Variants in APBA1 observed in about 807,000 individuals in gnomAD.
APBA1 encodes the protein amyloid-beta A4 precursor protein-binding family A member 1.
In APBA1, 55 loss-of-function variants were observed where a neutral mutation model predicts 86.6. The ratio of observed to expected loss-of-function variants is 0.64; its 90% CI spans 0.51 to 0.80. The LOEUF (loss-of-function observed/expected upper bound fraction) is 0.80, where lower values mean the gene tolerates loss of function less well. APBA1 is among the 30% of genes least tolerant of loss of function. The pLI, the probability that APBA1 is intolerant of heterozygous loss-of-function variation, is 0.00. For synonymous variants in APBA1, 511 were observed against 493.9 expected, an observed-to-expected ratio of 1.03 and a Z score of -0.46; for missense variants, 1,090 against 1,183.0, an observed-to-expected ratio of 0.92 and a Z score of 1.15.
chr9:69,472,873 T>A (rs1395247521), intron 3 of APBA1, among the ~76,000 whole-genome samples: 3 of 152,214 alleles, frequency 2.0e-5, no homozygotes, highest in African/African-American at 7.2e-5. Context: ...ACTTGGTTAA[T>A]ACTTGGACAA....
In APBA1 at chr9:69,441,077, C is replaced by G. The variant is rs1419241320; in HGVS notation, c.2220G>C (p.Val740=). The G allele has an allele frequency of 6.2e-7, 1 of 1,614,094 alleles. No homozygotes were observed. The highest frequency in any genetic ancestry group is 1.7e-5 in the Admixed American group (1 of 60,024). Residue 740 remains valine, a synonymous_variant, in exon 11 of 13, where the codon GTG becomes GTC. Coordinates refer to ENST00000265381, the MANE Select transcript of APBA1 (RefSeq NM_001163.4). ...KNQSRVKLNI[V]RCPPVTTVLI... ...ACACGGTGGTCACCGGAGGACATCT[C>G]ACGATATTCAGCTTGACTCGGGACT...
rs141030598 is a variant in APBA1 at position 69,565,291 on chromosome 9, G to A, written c.-69-48012C>T. Among the ~76,000 whole-genome samples the A allele has an allele frequency of 5.9e-5, 9 of 152,066 alleles. No individual in the cohort carries two copies. In the South Asian group the frequency reaches 6.2e-4, roughly 11 times the overall value. ...AGCCCAAAAGCCTTGGTGTAGGTGC[G>A]GACCCCAGCCTCCACATGCCACAGC... is the stretch of plus-strand genomic sequence containing the variant. On this transcript the variant is annotated intron_variant, in intron 1 of 12. Coordinates refer to ENST00000265381, the MANE Select transcript of APBA1 (RefSeq NM_001163.4).
intron 1 of APBA1, among the ~76,000 whole-genome samples, chr9:69,614,135 T>C (rs751753751): frequency 6.6e-6 from 1 of 152,208 alleles, no homozygotes; most frequent in Non-Finnish European, 1.5e-5. Flanking sequence ...TTTTTGATTA[T>C]CACTGTAGTT....
intron 1 of APBA1, among the ~76,000 whole-genome samples, chr9:69,643,567 T>G (rs1439672748): frequency 1.3e-5 from 2 of 152,104 alleles, no homozygotes; most frequent in African/African-American, 4.8e-5. Flanking sequence ...CTCTCCCTCC[T>G]TCTTGTTTCA....
chr9:69,534,366 T>G (rs1836477305), intron 1 of APBA1, among the ~76,000 whole-genome samples: 1 of 152,146 alleles, frequency 6.6e-6, no homozygotes, highest in South Asian at 2.1e-4. Context: ...GACATAAAAG[T>G]GGAAGTGAGG....
In APBA1 at chr9:69,630,322, GT is replaced by G. The variant is rs536099614; in HGVS notation, c.-70+41830del. On this transcript the variant is annotated intron_variant, in intron 1 of 12. Transcript: ENST00000265381. ...CAGGGACCAGATCGCACAGAATTGA[GT>G]CAACAGGCCAACTTTGATCCCTAAT... 2.0e-3 allele frequency among the ~76,000 whole-genome samples: 304 copies of G among 152,264 alleles called. 1 individual carries two copies. The highest frequency in any genetic ancestry group is 2.0e-3 in the Non-Finnish European group (137 of 68,012).
chr9:69,516,175 T>G lies in APBA1; in HGVS notation c.1036A>C (p.Ile346Leu), dbSNP rs1385987983. ...QRYSKEKRDA[I>L]SLAIKDIKEA... ...TTGATGTCCTTGATGGCCAGCGAGATGGCATCGCGCTTCTCCTTGCTGTAC... is the reference window on the plus strand; with the variant it reads ...TTGATGTCCTTGATGGCCAGCGAGAGGGCATCGCGCTTCTCCTTGCTGTAC... The change falls in exon 2 of 13, where the codon ATC (isoleucine) becomes CTC (leucine). Residue 346 changes from isoleucine (I) to leucine (L), a missense_variant. Coordinates refer to ENST00000265381, the MANE Select transcript of APBA1 (RefSeq NM_001163.4). The surrounding 1 kb of genome is among the most constrained non-coding windows in gnomAD (Gnocchi z 7.3). 9 of 1,610,632 alleles carry G rather than the reference T, an allele frequency of 5.6e-6. No individual in the cohort carries two copies. The highest frequency in any genetic ancestry group is 7.6e-6 in the Non-Finnish European group (9 of 1,178,586).
At chr9:69,645,539 T>G (rs1823374519) in intron 1 of APBA1, among the ~76,000 whole-genome samples, 1 of 152,206 alleles carries the variant, frequency 6.6e-6, no homozygotes, top group Non-Finnish European at 1.5e-5. Context: ...GAGACTTGCT[T>G]GCCCAGTTTC....
chr9:69,452,547 G>A (rs1835029197), intron 8 of APBA1, among the ~76,000 whole-genome samples: 2 of 152,226 alleles, frequency 1.3e-5, no homozygotes, highest in Admixed American at 1.3e-4. Context: ...GCAGACAGGA[G>A]TCAGAGATGC....
chr9:69,614,902 T>G (rs976025683), intron 1 of APBA1, among the ~76,000 whole-genome samples: 2 of 152,204 alleles, frequency 1.3e-5, no homozygotes, highest in Non-Finnish European at 2.9e-5. Flanking sequence ...TAAGAAAATT[T>G]TCTCTTTTAA....
At chr9:69,640,055 C>T (rs1271483977) in intron 1 of APBA1, among the ~76,000 whole-genome samples, 1 of 152,030 alleles carries the variant, frequency 6.6e-6, no homozygotes, top group African/African-American at 2.4e-5. Flanking sequence ...CAGGAAAAAT[C>T]AACCATTTTT....
intron 1 of APBA1, among the ~76,000 whole-genome samples, chr9:69,593,927 T>C (rs1822180227): frequency 6.6e-6 from 1 of 152,236 alleles, no homozygotes; most frequent in South Asian, 2.1e-4. Flanking sequence ...TACTCAACTT[T>C]TACTTAACTT....
chr9:69,431,429 G>A lies in APBA1; in HGVS notation c.2443-31C>T, dbSNP rs116423413. Reference sequence around the variant, plus strand: ...GGTAAAGAACACACTTTAGTGGGGGGCTGAGGCTGGGGGCTGGCTGCGTGG... The same window carrying A: ...GGTAAAGAACACACTTTAGTGGGGGACTGAGGCTGGGGGCTGGCTGCGTGG... On this transcript the variant is annotated intron_variant, in intron 12 of 12. Coordinates refer to ENST00000265381, the MANE Select transcript of APBA1 (RefSeq NM_001163.4). 2,860 of 1,600,618 alleles carry A rather than the reference G, an allele frequency of 1.8e-3. 14 individuals are homozygous for A. In the African/African-American group the frequency reaches 0.022, roughly 12 times the overall value.
At chr9:69,620,299 G>C (rs1822790074) in intron 1 of APBA1, among the ~76,000 whole-genome samples, 1 of 152,198 alleles carries the variant, frequency 6.6e-6, no homozygotes, top group Non-Finnish European at 1.5e-5. Context: ...AAAATGAGAG[G>C]ATATAAGGTA....
At chr9:69,653,959 C>T (rs1298884729) in intron 1 of APBA1, among the ~76,000 whole-genome samples, 1 of 151,954 alleles carries the variant, frequency 6.6e-6, no homozygotes, top group African/African-American at 2.4e-5. Context: ...AGCCAGGCAT[C>T]TCCCGTGTAG....
chr9:69,543,001 C>T (rs909692500), intron 1 of APBA1, among the ~76,000 whole-genome samples: 2 of 152,238 alleles, frequency 1.3e-5, no homozygotes, highest in South Asian at 2.1e-4. Flanking sequence ...CTTCTGCAGG[C>T]CCCAGCCAGC....
intron 1 of APBA1, among the ~76,000 whole-genome samples, chr9:69,579,968 C>T (rs1284541795): frequency 1.3e-5 from 2 of 152,168 alleles, no homozygotes; most frequent in Non-Finnish European, 2.9e-5. Flanking sequence ...TCTGTAGCCC[C>T]ATATGGATAT....
intron 11 of APBA1, among the ~76,000 whole-genome samples, chr9:69,437,531 T>C (rs1187772024): frequency 1.0e-5 from 1 of 97,416 alleles, no homozygotes; most frequent in Non-Finnish European, 2.1e-5. Context: ...GAGGAATTTA[T>C]CCATTTCTTC....
chr9:69,537,275 C>T (rs1007005684), intron 1 of APBA1, among the ~76,000 whole-genome samples: 7 of 151,946 alleles, frequency 4.6e-5, no homozygotes, highest in Admixed American at 2.0e-4. Flanking sequence ...TTTAAAATAT[C>T]GTCTGAAAAG....
Sources: allele counts gnomAD v4.1 joint callset (sites outside exome capture counted in the v4.1 genomes callset), GRCh38; gene constraint gnomAD v4.1.1; non-coding constraint Gnocchi (gnomAD v3.1); transcripts MANE v1.5; gene names NCBI Gene and HGNC (gene_info 2026-07-23, HGNC 2026-07-21).